The following FNBP1L variants were observed in gnomAD, a reference collection of about 807,000 sequenced individuals.
FNBP1L encodes formin binding protein 1 like.
Under a neutral mutation model 91.2 loss-of-function variants are expected in FNBP1L, and 36 were observed. The ratio of observed to expected loss-of-function variants is 0.39; its 90% CI spans 0.30 to 0.52. The LOEUF (loss-of-function observed/expected upper bound fraction) is 0.52. Ranked by LOEUF, FNBP1L falls within the 20% of genes least tolerant of loss-of-function variation. The pLI, the probability that FNBP1L is intolerant of heterozygous loss-of-function variation, is 0.66. For missense variants in FNBP1L, 571 were observed against 732.1 expected (o/e 0.78, Z 2.54); for synonymous variants, 242 against 237.0 (o/e 1.02, Z -0.19).
intron 1 of FNBP1L, among the ~76,000 whole-genome samples, chr1:93,472,067 C>T (rs1318732076): frequency 1.3e-5 from 2 of 152,204 alleles, no homozygotes; most frequent in African/African-American, 2.4e-5. Flanking sequence ...AACAACCATA[C>T]TCCCTAACCC....
At chr1:93,534,970 G>A in intron 9 of FNBP1L, 62 bp downstream of exon 9, 1 of 1,302,596 alleles carries the variant, frequency 7.7e-7, no homozygotes, top group Non-Finnish European at 1.1e-6. Flanking sequence ...AACAATGTGG[G>A]TATTGAATGC....
At chr1:93,541,122 T>G (rs1041445381) in intron 11 of FNBP1L, 66 bp downstream of exon 11, 3 of 1,454,204 alleles carry the variant, frequency 2.1e-6, no homozygotes, top group Non-Finnish European at 2.8e-6. Context: ...TTGTTTTGTT[T>G]AATTCAAAAC....
Position 93,524,750 on chromosome 1 carries a change from T to C in FNBP1L, c.405+427T>C, listed in dbSNP as rs563146313. Among the ~76,000 whole-genome samples, 177 of 152,080 alleles carry C rather than the reference T, an allele frequency of 1.2e-3. 1 individual carries two copies. In the Middle Eastern group the frequency reaches 0.017, roughly 15 times the overall value. On this transcript the variant is annotated intron_variant, in intron 5 of 16. Transcript: ENST00000271234. ...TAACACTTGATGTCTCTTGACTTCA[T>C]TTTTAGCATGTGAAAAATGAAGAGA... is the stretch of plus-strand genomic sequence containing the variant.
rs1670377880 is a variant in FNBP1L at position 93,499,587 on chromosome 1, A to G, written c.140+4A>G. On this transcript the variant is annotated splice_donor_region_variant and intron_variant, in intron 2 of 16. Coordinates refer to ENST00000271234, the MANE Select transcript of FNBP1L (RefSeq NM_001164473.3). The stretch of plus-strand genomic sequence containing the variant: ...AGAACTATGCGAAACAATTGAGGTA[A>G]GTTAATTTTTTTTTCAGTTTTTAGA... 2 of 1,527,650 alleles carry G rather than the reference A, an allele frequency of 1.3e-6. No homozygotes were observed. The highest frequency in any genetic ancestry group is 1.4e-5 in the African/African-American group (1 of 71,764). The allele number at this position is 1,527,650 out of a possible 1,614,324, so 94.6% of individuals were successfully genotyped here.
chr1:93,517,841 T>C (rs1261096440), intron 2 of FNBP1L, among the ~76,000 whole-genome samples: 1 of 152,226 alleles, frequency 6.6e-6, no homozygotes, highest in Non-Finnish European at 1.5e-5. Context: ...ATCTCTGGTG[T>C]TGGCATCAGA....
At chr1:93,461,576 A>C (rs1179551810) in intron 1 of FNBP1L, among the ~76,000 whole-genome samples, 1 of 152,150 alleles carries the variant, frequency 6.6e-6, no homozygotes, top group South Asian at 2.1e-4. Flanking sequence ...GAACAACATC[A>C]ACAATGTTTG....
chr1:93,464,115 C>T (rs1412049023), intron 1 of FNBP1L, among the ~76,000 whole-genome samples: 3 of 151,998 alleles, frequency 2.0e-5, no homozygotes, highest in Non-Finnish European at 4.4e-5. Context: ...AAATTGAAAC[C>T]CTTGTGCACT....
At chr1:93,462,967 T>C (rs1030701392) in intron 1 of FNBP1L, among the ~76,000 whole-genome samples, 1 of 152,206 alleles carries the variant, frequency 6.6e-6, no homozygotes, top group Admixed American at 6.5e-5. Context: ...ATTTGTCTTT[T>C]CTCCTCCATC....
At chr1:93,479,983 C>T (rs1165512907) in intron 1 of FNBP1L, among the ~76,000 whole-genome samples, 1 of 152,108 alleles carries the variant, frequency 6.6e-6, no homozygotes, top group Non-Finnish European at 1.5e-5. Flanking sequence ...GATAACTGTC[C>T]AGGAAATCTT....
chr1:93,472,811 CAAAAAAAAAAAAAAAAAAAAAAAAAA>C (rs57548632), intron 1 of FNBP1L, among the ~76,000 whole-genome samples: 2 of 46,860 alleles, frequency 4.3e-5, no homozygotes, highest in Admixed American at 7.8e-4. Flanking sequence ...GACTCCATCT[CAAAAAAAAAAAAAAAAAAAAAAAAAA>C]AAAAAAAAAA....
chr1:93,551,764 T>C, intron 16 of FNBP1L: 7 of 985,294 alleles, frequency 7.1e-6, no homozygotes, highest in Non-Finnish European at 8.4e-6. Flanking sequence ...GTGAATAAAA[T>C]AGATTTTGTT....
chr1:93,463,046 T>C (rs781542857), intron 1 of FNBP1L, among the ~76,000 whole-genome samples: 5 of 152,248 alleles, frequency 3.3e-5, no homozygotes, highest in African/African-American at 7.2e-5. Context: ...CTTTGAGTTA[T>C]AATCCAAGAC....
intron 4 of FNBP1L, 69 bp from the exon 5 acceptor site, chr1:93,524,192 T>C: frequency 1.6e-6 from 2 of 1,286,564 alleles, no homozygotes; most frequent in Non-Finnish European, 2.1e-6. Context: ...TGTTTAAATG[T>C]AATTATTTTT....
At chr1:93,499,297 G>T in intron 1 of FNBP1L, among the ~76,000 whole-genome samples, 171 bp from the exon 2 acceptor site, 1 of 152,130 alleles carries the variant, frequency 6.6e-6, no homozygotes, top group East Asian at 1.9e-4. Context: ...TTTATGCTTA[G>T]GGACGACCTA....
chr1:93,547,492 C>CTT, intron 14 of FNBP1L, 51 bp downstream of exon 14: 1 of 1,447,120 alleles, frequency 6.9e-7, no homozygotes, highest in Non-Finnish European at 9.5e-7. Flanking sequence ...TTTTCTCACC[C>CTT]TTTTGTCCTA....
chr1:93,479,583 G>T (rs1669618709), intron 1 of FNBP1L, among the ~76,000 whole-genome samples: 1 of 152,094 alleles, frequency 6.6e-6, no homozygotes, highest in African/African-American at 2.4e-5. Flanking sequence ...TCCCAGAGCA[G>T]CCGTTTATAG....
At position 93,548,186 on chromosome 1, in the gene FNBP1L, G is replaced by T. The variant is rs371695376; in HGVS notation, c.1502+745G>T. ...TTGAAAGAGTACATATCTTTAATCT[G>T]TTAAGAGATACCCACAAATTACTGG... On this transcript the variant is annotated intron_variant, in intron 14 of 16. Transcript: ENST00000271234. Among the ~76,000 whole-genome samples, 29 of 152,232 alleles carry T rather than the reference G, an allele frequency of 1.9e-4. No individual in the cohort carries two copies. In the South Asian group the frequency reaches 2.7e-3, roughly 14 times the overall value.
At chr1:93,455,700 T>G (rs777746841) in intron 1 of FNBP1L, among the ~76,000 whole-genome samples, 13 of 152,352 alleles carry the variant, frequency 8.5e-5, no homozygotes, top group South Asian at 2.1e-4. Context: ...ACTAAGAGTA[T>G]TCTAATAAGA....
chr1:93,464,196 T>A (rs1022484035), intron 1 of FNBP1L, among the ~76,000 whole-genome samples: 1 of 152,204 alleles, frequency 6.6e-6, no homozygotes, highest in Non-Finnish European at 1.5e-5. Flanking sequence ...CTTAAACATA[T>A]GATTCAGCAA....
Sources: gnomAD v4.1 joint callset for allele counts (sites outside exome capture counted in the v4.1 genomes callset) on GRCh38, gnomAD v4.1.1 for gene constraint, MANE v1.5 for transcripts, NCBI Gene and HGNC (gene_info 2026-07-23, HGNC 2026-07-21) for gene names.